The following PHACTR4 variants were observed in gnomAD, a reference collection of about 807,000 sequenced individuals.
PHACTR4 encodes protein phosphatase 1, regulatory subunit 124.
PHACTR4 carries 51 observed loss-of-function variants against 72.7 expected under a neutral mutation model. The ratio of observed to expected loss-of-function variants is 0.70; its 90% CI spans 0.56 to 0.89. The LOEUF is 0.89. Among genes scored for constraint, PHACTR4 ranks in the 40% least tolerant of loss-of-function variants. PHACTR4 has a pLI of 0.00. For missense variants in PHACTR4, 731 were observed against 861.8 expected (o/e 0.85, Z 1.90); for synonymous variants, 255 against 302.5 (o/e 0.84, Z 1.63).
At chr1:28,403,203 G>T (rs937166123) in intron 1 of PHACTR4, among the ~76,000 whole-genome samples, 1 of 152,178 alleles carries the variant, frequency 6.6e-6, no homozygotes, top group Non-Finnish European at 1.5e-5. Flanking sequence ...TAGAAGGGAG[G>T]GGACAGGAGC....
chr1:28,462,408 G>GT (rs1401033073), intron 4 of PHACTR4, among the ~76,000 whole-genome samples: 1 of 151,226 alleles, frequency 6.6e-6, no homozygotes, highest in Non-Finnish European at 1.5e-5. Context: ...CTCATTTCTT[G>GT]TTTTTCACCT....
chr1:28,434,604 G>A (rs1656510382), intron 2 of PHACTR4, among the ~76,000 whole-genome samples: 1 of 152,308 alleles, frequency 6.6e-6, no homozygotes, highest in Admixed American at 6.5e-5. Context: ...ACAGGCATGA[G>A]CCACTGTGCC....
intron 2 of PHACTR4, among the ~76,000 whole-genome samples, chr1:28,427,114 A>T (rs1655919114): frequency 6.6e-6 from 1 of 152,232 alleles, no homozygotes; most frequent in African/African-American, 2.4e-5. Flanking sequence ...TTGAGAACTG[A>T]GCAGCAAGTT....
At chr1:28,454,339 T>G (rs1658209831) in intron 2 of PHACTR4, among the ~76,000 whole-genome samples, 1 of 144,510 alleles carries the variant, frequency 6.9e-6, no homozygotes, top group South Asian at 2.2e-4. Context: ...TACAGTGGCG[T>G]GATCTCGGCT....
intron 1 of PHACTR4, among the ~76,000 whole-genome samples, chr1:28,373,447 T>C (rs1055953595): frequency 6.6e-6 from 1 of 152,070 alleles, no homozygotes; most frequent in Admixed American, 6.6e-5. Context: ...TGTGCCAACA[T>C]GCCTGGCTAA....
At chr1:28,467,643 G>A (rs532233710) in intron 6 of PHACTR4, among the ~76,000 whole-genome samples, 1 of 152,320 alleles carries the variant, frequency 6.6e-6, no homozygotes, top group African/African-American at 2.4e-5. Context: ...TTGGGATTCA[G>A]TGTCTGGCAT....
chr1:28,407,294 A>G (rs1446255240), intron 1 of PHACTR4, 116 bp from the exon 2 acceptor site: 1 of 490,700 alleles, frequency 2.0e-6, no homozygotes, highest in East Asian at 3.4e-5. Flanking sequence ...ACATTTCTAT[A>G]ATGTTCCACT....
chr1:28,412,507 C>T (rs1654852271), intron 2 of PHACTR4, among the ~76,000 whole-genome samples: 1 of 152,100 alleles, frequency 6.6e-6, no homozygotes, highest in Admixed American at 6.5e-5. Context: ...TTATCAAGGA[C>T]ATTCTTAAAG....
At chr1:28,379,610 G>C (rs1651976156) in intron 1 of PHACTR4, among the ~76,000 whole-genome samples, 1 of 134,166 alleles carries the variant, frequency 7.5e-6, no homozygotes, top group Non-Finnish European at 1.6e-5. Flanking sequence ...TTTTTTTTGA[G>C]ATGGGGTCTC....
At position 28,476,408 on chromosome 1, in the gene PHACTR4, T is replaced by C. The variant is rs1169993735; in HGVS notation, c.1606+117T>C. On this transcript the variant is annotated intron_variant, in intron 8 of 13. Transcript: ENST00000373839. ...AGGTACCTTCTCCCATTAAGTCATC[T>C]GGCTAACTGATGTTGGAAGCCACTG... The C allele has an allele frequency of 4.7e-6, 5 of 1,054,452 alleles. No individual in the cohort carries two copies. The African/African-American group carries it at 5.0e-5, about 10-fold the overall frequency. 65.3% of individuals were successfully genotyped at this position (1,054,452 alleles called of 1,614,324 possible).
Position 28,455,036 on chromosome 1 carries a change from G to T in PHACTR4, c.17-4049G>T, listed in dbSNP as rs373011638. Among the ~76,000 whole-genome samples, 570 of 150,110 alleles carry T rather than the reference G, an allele frequency of 3.8e-3. 4 individuals are homozygous for T. The highest frequency in any genetic ancestry group is 0.013 in the African/African-American group (522 of 40,910). ...CACCATACTCAGCTAATTTTTTTTT[G>T]TTGTTGTATTTTTAATAGAGACAGG... On this transcript the variant is annotated intron_variant, in intron 2 of 13. Transcript: ENST00000373839.
chr1:28,385,622 T>C (rs1165518434), intron 1 of PHACTR4, among the ~76,000 whole-genome samples: 1 of 150,576 alleles, frequency 6.6e-6, no homozygotes, highest in Non-Finnish European at 1.5e-5. Context: ...GAATTTTTTT[T>C]TTTTTTTTTT....
chr1:28,391,415 A>AAAT (rs901748358), intron 1 of PHACTR4, among the ~76,000 whole-genome samples: 30 of 150,532 alleles, frequency 2.0e-4, no homozygotes, highest in African/African-American at 3.7e-4. Flanking sequence ...TAAATAAATA[A>AAAT]AATAATAATA....
chr1:28,476,504 G>C (rs551004149), intron 8 of PHACTR4, among the ~76,000 whole-genome samples: 1 of 150,836 alleles, frequency 6.6e-6, no homozygotes, highest in Non-Finnish European at 1.5e-5. Flanking sequence ...AGTAGATTGA[G>C]TCACTCAGGT....
chr1:28,444,489 A>G (rs2124421677), intron 2 of PHACTR4, among the ~76,000 whole-genome samples: 1 of 151,506 alleles, frequency 6.6e-6, no homozygotes, highest in South Asian at 2.1e-4. Context: ...CAGCCTCCCA[A>G]AGTACTGGGA....
chr1:28,454,270 C>CTTT (rs945039969), intron 2 of PHACTR4, among the ~76,000 whole-genome samples: 363 of 95,096 alleles, frequency 3.8e-3, no homozygotes, highest in African/African-American at 4.4e-3. Flanking sequence ...ATCACTTTGT[C>CTTT]TTTTTTTTTT....
chr1:28,391,877 G>A (rs989642779), intron 1 of PHACTR4, among the ~76,000 whole-genome samples: 1 of 152,036 alleles, frequency 6.6e-6, no homozygotes, highest in African/African-American at 2.4e-5. Flanking sequence ...AAAGTGCTGG[G>A]ATTAGAGGTG....
Position 28,474,103 on chromosome 1 carries a change from C to T in PHACTR4, c.1373C>T (p.Thr458Met), listed in dbSNP as rs200906297. The change falls in exon 7 of 14, where the codon ACG becomes ATG. Residue 458 changes from threonine (T) to methionine (M), a missense_variant. Thr to Met is a moderately conservative substitution (Grantham distance 81). Around this residue, in one of 2 missense-constraint regions of PHACTR4, gnomAD observed 621 missense variants for 676.6 expected, o/e 0.92. Coordinates refer to ENST00000373839, the MANE Select transcript of PHACTR4 (RefSeq NM_001048183.3). ...NSDSFSEDSS[T>M]LGRTRSLPIT... Reference sequence around the variant, plus strand: ...GACAGCTTTTCTGAGGACAGCAGTACGCTGGGTCGGACCAGGTCTCTTCCC... The same window carrying T: ...GACAGCTTTTCTGAGGACAGCAGTATGCTGGGTCGGACCAGGTCTCTTCCC... 32 of 1,614,102 alleles carry T rather than the reference C, an allele frequency of 2.0e-5. No individual in the cohort carries two copies. Among genetic ancestry groups the T allele is most frequent in the Admixed American group, 6.7e-5 (4 of 60,004 alleles).
intron 1 of PHACTR4, among the ~76,000 whole-genome samples, chr1:28,406,390 G>T (rs1405007994): frequency 3.3e-5 from 5 of 151,932 alleles, no homozygotes; most frequent in African/African-American, 1.2e-4. Flanking sequence ...ACTAAGGATG[G>T]ATCTAATTGA....
Sources: allele counts gnomAD v4.1 joint callset (sites outside exome capture counted in the v4.1 genomes callset), GRCh38; gene constraint gnomAD v4.1.1; regional missense constraint gnomAD v4.1.1; transcripts MANE v1.5; gene names NCBI Gene and HGNC (gene_info 2026-07-23, HGNC 2026-07-21).